The following PPM1L variants were observed in gnomAD, a reference collection of about 807,000 sequenced individuals.
PPM1L encodes protein phosphatase, Mg2+/Mn2+ dependent 1L, also known as protein phosphatase 1L.
In PPM1L, 13 loss-of-function variants were observed where a neutral mutation model predicts 31.4. That is an observed-to-expected ratio of 0.41 (90% CI 0.27 to 0.66). The LOEUF (loss-of-function observed/expected upper bound fraction) is 0.66, where lower values mean the gene tolerates loss of function less well. Ranked by LOEUF, PPM1L falls within the 30% of genes least tolerant of loss-of-function variation. The pLI is 0.29. For missense variants in PPM1L, 326 were observed against 453.7 expected (o/e 0.72, Z 2.56); for synonymous variants, 184 against 175.4 (o/e 1.05, Z -0.39).
intron 1 of PPM1L, among the ~76,000 whole-genome samples, chr3:160,770,085 G>A (rs1488729795): frequency 6.6e-6 from 1 of 152,164 alleles, no homozygotes; most frequent in African/African-American, 2.4e-5. Context: ...TTATAAAAAT[G>A]CTTACTGACT....
At chr3:160,796,618 A>G (rs1255462681) in intron 1 of PPM1L, among the ~76,000 whole-genome samples, 6 of 152,166 alleles carry the variant, frequency 3.9e-5, no homozygotes, top group East Asian at 1.9e-4. Context: ...ATCTTTGGCT[A>G]TCTCTGGGAA....
intron 1 of PPM1L, among the ~76,000 whole-genome samples, chr3:160,824,295 C>G (rs181275019): frequency 6.6e-6 from 1 of 152,190 alleles, no homozygotes; most frequent in African/African-American, 2.4e-5. Context: ...CATATTGGCT[C>G]CCCAGATCTT....
rs374143294 is a variant in PPM1L, at chr3:160,945,043, T to C, written c.400-16693T>C. ...ATTATATATAACTATATATAACATA[T>C]ATATTATATATAACTATATATAACA... On this transcript the variant is annotated intron_variant, in intron 1 of 3. Coordinates refer to ENST00000498165, the MANE Select transcript of PPM1L (RefSeq NM_139245.4). Among the ~76,000 whole-genome samples, 4 of 5,836 alleles carry C rather than the reference T, an allele frequency of 6.9e-4. 1 individual carries two copies. The Admixed American group carries it at 8.6e-3, about 13-fold the overall frequency. 3.8% of individuals were successfully genotyped at this position (5,836 alleles called of 152,430 possible). A position where few individuals can be genotyped will look rare whatever the true frequency, so the allele number is the denominator to read the frequency against.
chr3:160,756,498 G>T lies in PPM1L; in HGVS notation c.190G>T (p.Ala64Ser), dbSNP rs1560098703. 1 of 1,614,188 alleles carries T rather than the reference G, an allele frequency of 6.2e-7. No individual in the cohort carries two copies. Among genetic ancestry groups the T allele is most frequent in the Non-Finnish European group, 8.5e-7 (1 of 1,180,032 alleles). The change falls in exon 1 of 4, where the codon GCC (alanine) becomes TCC (serine). Residue 64 changes from alanine (A) to serine (S), a missense_variant. By Grantham distance (99) the Ala-to-Ser change is moderately conservative. Around this residue, in one of 3 missense-constraint regions of PPM1L, gnomAD observed 83 missense variants for 79.4 expected, o/e 1.04. Transcript: ENST00000498165. The surrounding 1 kb of genome is among the most constrained non-coding windows in gnomAD (Gnocchi z 6.2). ...DAVKMVKGKV[A>S]EIMQNDRLGG... is the part of the protein sequence containing the mutation. ...CGTGAAGATGGTGAAGGGCAAGGTAGCCGAGATCATGCAGAACGATCGACT... is the reference window on the plus strand; with the variant it reads ...CGTGAAGATGGTGAAGGGCAAGGTATCCGAGATCATGCAGAACGATCGACT...
chr3:161,022,864 C>T (rs1292892936), intron 2 of PPM1L, among the ~76,000 whole-genome samples: 1 of 151,972 alleles, frequency 6.6e-6, no homozygotes. Flanking sequence ...TGGGGTTTCA[C>T]TGTGTTAGCC....
chr3:160,839,420 A>G (rs1038726494), intron 1 of PPM1L, among the ~76,000 whole-genome samples: 1 of 152,182 alleles, frequency 6.6e-6, no homozygotes, highest in African/African-American at 2.4e-5. Context: ...GGAAGTAAAA[A>G]AAAAGTTCTC....
chr3:161,005,415 G>T (rs1717671162), intron 2 of PPM1L, among the ~76,000 whole-genome samples: 1 of 152,158 alleles, frequency 6.6e-6, no homozygotes, highest in South Asian at 2.1e-4. Context: ...ATAAAAAAGT[G>T]ATATGTATTA....
intron 1 of PPM1L, among the ~76,000 whole-genome samples, chr3:160,807,968 G>C (rs7633401): frequency 0.12 from 18,731 of 152,092 alleles, 2,082 homozygotes; most frequent in African/African-American, 0.3. Context: ...CATGTGATCT[G>C]TTTTCTGGGA....
intron 1 of PPM1L, among the ~76,000 whole-genome samples, chr3:160,941,077 G>C (rs1715147415): frequency 1.3e-5 from 2 of 152,194 alleles, no homozygotes; most frequent in African/African-American, 4.8e-5. Context: ...CTGCCCTGCT[G>C]AATTTGGGAC....
At chr3:160,996,262 C>T (rs1032107243) in intron 2 of PPM1L, among the ~76,000 whole-genome samples, 7 of 152,240 alleles carry the variant, frequency 4.6e-5, no homozygotes, top group African/African-American at 1.7e-4. Flanking sequence ...GTAGAGCTAC[C>T]ATTCGATCCA....
intron 1 of PPM1L, among the ~76,000 whole-genome samples, chr3:160,893,501 G>C (rs1362411099): frequency 6.6e-6 from 1 of 152,090 alleles, no homozygotes. Context: ...CCAGCCTCCA[G>C]ATGTCAAAAT....
At chr3:161,040,402 A>G (rs1559933844) in intron 2 of PPM1L, among the ~76,000 whole-genome samples, 1 of 152,186 alleles carries the variant, frequency 6.6e-6, no homozygotes, top group Non-Finnish European at 1.5e-5. Flanking sequence ...TAACATGTGT[A>G]CTTAATTTAA....
chr3:161,002,337 G>A (rs184171861), intron 2 of PPM1L, among the ~76,000 whole-genome samples: 2,851 of 152,094 alleles, frequency 0.019, 78 homozygotes, highest in African/African-American at 0.063. Context: ...ATTTATAGTC[G>A]TTTGGGTATA....
chr3:161,056,980 T>G (rs1294015250), intron 2 of PPM1L, among the ~76,000 whole-genome samples: 1 of 152,020 alleles, frequency 6.6e-6, no homozygotes, highest in East Asian at 1.9e-4. Flanking sequence ...GGAGAATCAC[T>G]TGAACCTAGG....
intron 2 of PPM1L, among the ~76,000 whole-genome samples, chr3:160,987,230 G>A (rs1433591656): frequency 6.6e-6 from 1 of 152,098 alleles, no homozygotes; most frequent in East Asian, 1.9e-4. Flanking sequence ...CTTGGTAGGT[G>A]GCTAAAAATA....
At chr3:161,040,385 A>C (rs535762444) in intron 2 of PPM1L, among the ~76,000 whole-genome samples, 1 of 152,152 alleles carries the variant, frequency 6.6e-6, no homozygotes, top group African/African-American at 2.4e-5. Flanking sequence ...GTATCGAGGG[A>C]CTGATATAAC....
chr3:160,872,906 G>A (rs185419839), intron 1 of PPM1L, among the ~76,000 whole-genome samples: 1 of 152,212 alleles, frequency 6.6e-6, no homozygotes, highest in East Asian at 1.9e-4. Flanking sequence ...CAGCCTGGGC[G>A]GCACAGCGGG....
At chr3:160,970,149 A>G (rs1241567399) in intron 2 of PPM1L, among the ~76,000 whole-genome samples, 3 of 152,156 alleles carry the variant, frequency 2.0e-5, no homozygotes, top group Admixed American at 2.0e-4. Flanking sequence ...TAATATTTTT[A>G]ATATGGTTCC....
chr3:161,003,464 C>A (rs545888710), intron 2 of PPM1L, among the ~76,000 whole-genome samples: 1 of 151,556 alleles, frequency 6.6e-6, no homozygotes, highest in South Asian at 2.1e-4. Flanking sequence ...ATTCTTCCTA[C>A]CCATGAGCAT....
Sources: allele counts gnomAD v4.1 joint callset (sites outside exome capture counted in the v4.1 genomes callset), GRCh38; gene constraint gnomAD v4.1.1; regional missense constraint gnomAD v4.1.1; non-coding constraint Gnocchi (gnomAD v3.1); transcripts MANE v1.5; gene names NCBI Gene and HGNC (gene_info 2026-07-23, HGNC 2026-07-21).